Variants in NEGR1 observed in about 807,000 individuals in gnomAD.
NEGR1 encodes the protein IgLON family member 4.
NEGR1 carries 10 observed loss-of-function variants against 40.9 expected under a neutral mutation model. The observed-to-expected ratio is 0.24, with a 90% confidence interval of 0.15 to 0.42. NEGR1 has a LOEUF of 0.42. Ranked by LOEUF, NEGR1 falls within the 10% of genes least tolerant of loss-of-function variation. NEGR1 has a pLI of 1.00. For missense variants in NEGR1, 352 were observed against 438.9 expected (o/e 0.80, Z 1.77); for synonymous variants, 185 against 166.8 (o/e 1.11, Z -0.84).
chr1:71,877,632 C>T (rs891242870), intron 2 of NEGR1, among the ~76,000 whole-genome samples: 7 of 151,872 alleles, frequency 4.6e-5, no homozygotes, highest in African/African-American at 9.7e-5. Flanking sequence ...AGGACTTTAA[C>T]GTATGAATTT....
rs12141294 is a variant in NEGR1 at position 71,558,726 on chromosome 1, T to C, written c.940+34091A>G. On this transcript the variant is annotated intron_variant, in intron 6 of 6. Coordinates refer to ENST00000357731, the MANE Select transcript of NEGR1 (RefSeq NM_173808.3). ...ACCTCATCCTTTCTTTTCTTTCTTT[T>C]TTTTTTTTTTTTTTAGCACTTCTTT... Among the ~76,000 whole-genome samples, 153 of 94,686 alleles carry C rather than the reference T, an allele frequency of 1.6e-3. 1 individual carries two copies. The highest frequency in any genetic ancestry group is 9.7e-3 in the East Asian group (18 of 1,864). 62.1% of individuals were successfully genotyped at this position (94,686 alleles called of 152,430 possible).
At chr1:71,797,286 T>C (rs1264179452) in intron 2 of NEGR1, among the ~76,000 whole-genome samples, 2 of 152,176 alleles carry the variant, frequency 1.3e-5, no homozygotes, top group Admixed American at 1.3e-4. Flanking sequence ...GCGGCAAGAC[T>C]GGGTCTCAAC....
chr1:72,182,389 A>T (rs1166359732), intron 1 of NEGR1, among the ~76,000 whole-genome samples: 1 of 152,078 alleles, frequency 6.6e-6, no homozygotes, highest in Non-Finnish European at 1.5e-5. Context: ...GTTACTTGGG[A>T]GGCTGAGCCA....
chr1:71,857,065 G>A (rs928337815), intron 2 of NEGR1, among the ~76,000 whole-genome samples: 2 of 151,904 alleles, frequency 1.3e-5, no homozygotes, highest in African/African-American at 2.4e-5. Flanking sequence ...AAATGATATC[G>A]CACTGAGATG....
chr1:71,720,607 G>C (rs913569685), intron 3 of NEGR1, among the ~76,000 whole-genome samples: 1 of 152,082 alleles, frequency 6.6e-6, no homozygotes, highest in South Asian at 2.1e-4. Context: ...ACAAGTCCTA[G>C]TTCCACCATT....
chr1:71,507,835 A>T (rs1005079792), intron 6 of NEGR1, among the ~76,000 whole-genome samples: 1 of 152,224 alleles, frequency 6.6e-6, no homozygotes, highest in Admixed American at 6.5e-5. Context: ...TTCTTCTGGA[A>T]AGGTAAAAAG....
intron 5 of NEGR1, among the ~76,000 whole-genome samples, chr1:71,598,403 A>G (rs1388016136): frequency 6.6e-6 from 1 of 152,156 alleles, no homozygotes; most frequent in African/African-American, 2.4e-5. Flanking sequence ...AAATGATACT[A>G]TCTGGATATA....
chr1:72,067,711 C>A (rs1486079), intron 1 of NEGR1, among the ~76,000 whole-genome samples: 2,420 of 151,850 alleles, frequency 0.016, 66 homozygotes, highest in African/African-American at 0.056. Flanking sequence ...ATTTAACATA[C>A]TGGGGGAAAA....
intron 1 of NEGR1, among the ~76,000 whole-genome samples, chr1:72,133,203 T>G (rs1411367680): frequency 6.6e-6 from 1 of 152,078 alleles, no homozygotes; most frequent in Non-Finnish European, 1.5e-5. Flanking sequence ...TAGAAAAAAA[T>G]TACCATAAAT....
intron 1 of NEGR1, among the ~76,000 whole-genome samples, chr1:72,234,274 T>A (rs1418402771): frequency 2.0e-5 from 3 of 152,232 alleles, no homozygotes; most frequent in Admixed American, 1.3e-4. Flanking sequence ...CTAAAGATAA[T>A]GGTCTCTGGC....
chr1:71,411,377 C>CT lies in NEGR1; in HGVS notation c.941-3808dup, dbSNP rs371856567. ...GTACTGAACTTTATAACATCATACT[C>CT]TTGCCACAAAAGACAGTCAGCATAG... is the stretch of plus-strand genomic sequence containing the variant. On this transcript the variant is annotated intron_variant, in intron 6 of 6. Transcript: ENST00000357731. 4.4e-3 allele frequency among the ~76,000 whole-genome samples: 675 copies of CT among 152,234 alleles called. 8 individuals carry two copies. Among genetic ancestry groups the CT allele is most frequent in the African/African-American group, 0.016 (653 of 41,538 alleles).
intron 2 of NEGR1, among the ~76,000 whole-genome samples, chr1:71,890,125 A>G (rs1434166304): frequency 1.5e-5 from 2 of 136,908 alleles, no homozygotes; most frequent in Non-Finnish European, 3.1e-5. Flanking sequence ...GCCAAAATGT[A>G]AAGACCATCC....
intron 4 of NEGR1, among the ~76,000 whole-genome samples, chr1:71,688,393 A>AAGATATATATG (rs58551950): frequency 6.2e-5 from 2 of 32,142 alleles, no homozygotes; most frequent in African/African-American, 2.4e-4. Context: ...AGATATATAA[A>AAGATATATATG]ATATATATAT....
chr1:71,470,308 G>T (rs1175473237), intron 6 of NEGR1, among the ~76,000 whole-genome samples: 1 of 151,948 alleles, frequency 6.6e-6, no homozygotes, highest in Admixed American at 6.6e-5. Context: ...CCCTTTGTAT[G>T]TGTTTTAGGT....
At chr1:71,905,421 G>A (rs2101867544) in intron 2 of NEGR1, among the ~76,000 whole-genome samples, 1 of 151,404 alleles carries the variant, frequency 6.6e-6, no homozygotes, top group African/African-American at 2.4e-5. Flanking sequence ...TTAGATAAAT[G>A]TTTTTATTTA....
chr1:71,598,787 G>A (rs1190883659), intron 5 of NEGR1, among the ~76,000 whole-genome samples: 1 of 152,182 alleles, frequency 6.6e-6, no homozygotes, highest in East Asian at 1.9e-4. Flanking sequence ...TCCAGTTATC[G>A]TGATGGTATG....
chr1:71,972,935 C>T (rs1337442015), intron 1 of NEGR1, among the ~76,000 whole-genome samples: 2 of 152,064 alleles, frequency 1.3e-5, no homozygotes, highest in African/African-American at 2.4e-5. Context: ...TGTTTACCCC[C>T]GAAGTCCCAT....
chr1:72,222,291 G>A (rs1654038464), intron 1 of NEGR1, among the ~76,000 whole-genome samples: 1 of 152,128 alleles, frequency 6.6e-6, no homozygotes, highest in African/African-American at 2.4e-5. Flanking sequence ...CCTGCAAAAG[G>A]CCAGCTTGCA....
At chr1:71,719,060 G>A (rs1182787892) in intron 3 of NEGR1, among the ~76,000 whole-genome samples, 3 of 152,224 alleles carry the variant, frequency 2.0e-5, no homozygotes, top group Non-Finnish European at 4.4e-5. Flanking sequence ...ATGGAAGAGT[G>A]TTAGGGAATA....
Sources: allele counts gnomAD v4.1 joint callset (sites outside exome capture counted in the v4.1 genomes callset), GRCh38; gene constraint gnomAD v4.1.1; transcripts MANE v1.5; gene names NCBI Gene and HGNC (gene_info 2026-07-23, HGNC 2026-07-21).